PNLIPRP3: variants seen among roughly 807,000 people sequenced by gnomAD.
PNLIPRP3 encodes pancreatic lipase related protein 3.
PNLIPRP3 carries 58 observed loss-of-function variants against 52.8 expected under a neutral mutation model. The ratio of observed to expected loss-of-function variants is 1.10; its 90% confidence interval spans 0.89 to 1.37. The LOEUF (loss-of-function observed/expected upper bound fraction) is 1.37. Ranked by LOEUF, PNLIPRP3 falls within the 40% of genes most tolerant of loss-of-function variation. The pLI is 0.00. For synonymous variants in PNLIPRP3, 192 were observed against 185.0 expected (o/e 1.04, Z -0.31); for missense variants, 593 against 561.6 (o/e 1.06, Z -0.57).
At chr10:116,454,222 G>A (rs567476358) in intron 4 of PNLIPRP3, among the ~76,000 whole-genome samples, 3 of 152,010 alleles carry the variant, frequency 2.0e-5, no homozygotes, top group Admixed American at 6.6e-5. Context: ...GGGTTCAAGT[G>A]ATTCTCCTGC....
At position 116,428,025 on chromosome 10, in the gene PNLIPRP3, T is replaced by C; in HGVS notation, c.13T>C (p.Trp5Arg). 1 of 1,609,578 alleles carries C rather than the reference T, an allele frequency of 6.2e-7. No homozygotes were observed. Among genetic ancestry groups the C allele is most frequent in the African/African-American group, 1.3e-5 (1 of 74,926 alleles). Residue 5 changes from tryptophan to arginine, a missense_variant, in exon 1 of 12, where the codon TGG becomes CGG. Transcript: ENST00000369230. ...AAAATCAGCTTAGATGCTTGGAATT[T>C]GGATTGTTGCATTCTTGTTCTTTGG... MLGIWIVAFLFFGTS... is the reference protein window; with the variant it reads MLGIRIVAFLFFGTS...
intron 4 of PNLIPRP3, among the ~76,000 whole-genome samples, chr10:116,453,986 C>T (rs1420023809): frequency 6.6e-6 from 1 of 152,082 alleles, no homozygotes; most frequent in Non-Finnish European, 1.5e-5. Context: ...TCCCTGTGTC[C>T]ATGTGTTCTC....
chr10:116,448,999 G>C (rs1407111846), intron 4 of PNLIPRP3, among the ~76,000 whole-genome samples: 1 of 133,360 alleles, frequency 7.5e-6, no homozygotes, highest in Non-Finnish European at 1.6e-5. Context: ...CTTGGCAATA[G>C]AGCAAGACTC....
intron 7 of PNLIPRP3, among the ~76,000 whole-genome samples, chr10:116,461,577 T>A (rs1330018813): frequency 6.6e-6 from 1 of 152,216 alleles, no homozygotes; most frequent in Non-Finnish European, 1.5e-5. Flanking sequence ...ATTGAGTGTT[T>A]ACTATGTGCT....
At chr10:116,475,071 G>T (rs540858543) in intron 10 of PNLIPRP3, among the ~76,000 whole-genome samples, 44 of 152,268 alleles carry the variant, frequency 2.9e-4, no homozygotes, top group African/African-American at 1.0e-3. Context: ...AAGAAAATGT[G>T]GTACTTATAT....
intron 2 of PNLIPRP3, among the ~76,000 whole-genome samples, chr10:116,442,137 T>C (rs953382795): frequency 6.6e-6 from 1 of 152,244 alleles, no homozygotes; most frequent in Non-Finnish European, 1.5e-5. Context: ...GTATTCATTT[T>C]TTCCAATAGA....
intron 5 of PNLIPRP3, among the ~76,000 whole-genome samples, chr10:116,459,132 G>A (rs1173285530): frequency 6.6e-6 from 1 of 151,454 alleles, no homozygotes; most frequent in African/African-American, 2.4e-5. Context: ...TTGTTTTTTT[G>A]ACTCCCTCTC....
At chr10:116,447,708 G>A (rs1469136029) in intron 4 of PNLIPRP3, among the ~76,000 whole-genome samples, 2 of 152,168 alleles carry the variant, frequency 1.3e-5, no homozygotes, top group African/African-American at 2.4e-5. Flanking sequence ...GGCCAAGACA[G>A]GCAGATCACT....
intron 4 of PNLIPRP3, among the ~76,000 whole-genome samples, chr10:116,450,876 T>A (rs1260375802): frequency 1.3e-5 from 2 of 151,674 alleles, no homozygotes; most frequent in Non-Finnish European, 2.9e-5. Flanking sequence ...CAAAGCTATC[T>A]ACAGATTCAA....
intron 10 of PNLIPRP3, among the ~76,000 whole-genome samples, chr10:116,473,492 A>T (rs1846406892): frequency 1.3e-5 from 2 of 152,112 alleles, no homozygotes; most frequent in African/African-American, 2.4e-5. Flanking sequence ...AAATAAGACC[A>T]TTATATAAGT....
At chr10:116,439,783 T>A in intron 2 of PNLIPRP3, 1 of 773,406 alleles carries the variant, frequency 1.3e-6, no homozygotes, top group Admixed American at 1.7e-5. Flanking sequence ...GGCATTAGGA[T>A]CCTTCTTCTT....
At chr10:116,443,765 A>G (rs113326866) in intron 3 of PNLIPRP3, among the ~76,000 whole-genome samples, 103,540 of 123,186 alleles carry the variant, frequency 0.84, 44,217 homozygotes, top group Non-Finnish European at 0.94. Flanking sequence ...GTGTGTGTGT[A>G]TGTGTGTGTG....
At chr10:116,443,623 TATATA>T (rs1564695361) in intron 3 of PNLIPRP3, among the ~76,000 whole-genome samples, 2 of 4,264 alleles carry the variant, frequency 4.7e-4, no homozygotes, top group Non-Finnish European at 7.7e-4. Context: ...GTGTTTTATA[TATATA>T]ACACATATAT....
chr10:116,460,262 A>G (rs954343378), intron 5 of PNLIPRP3, among the ~76,000 whole-genome samples: 1 of 152,230 alleles, frequency 6.6e-6, no homozygotes, highest in Non-Finnish European at 1.5e-5. Flanking sequence ...TGCTAAACCT[A>G]GTTCCTGGCA....
At chr10:116,470,330 C>T (rs10736250) in intron 9 of PNLIPRP3, among the ~76,000 whole-genome samples, 147,053 of 152,008 alleles carry the variant, frequency 0.97, 71,322 homozygotes, top group East Asian at 1. Flanking sequence ...GATGACATCA[C>T]TACCCAAGAA....
chr10:116,444,925 T>C (rs1845922038), intron 4 of PNLIPRP3, among the ~76,000 whole-genome samples: 1 of 152,232 alleles, frequency 6.6e-6, no homozygotes, highest in Non-Finnish European at 1.5e-5. Flanking sequence ...ATTAGTTAGG[T>C]CTGTAGGCCA....
chr10:116,444,473 T>G lies in PNLIPRP3; in HGVS notation c.416T>G (p.Val139Gly). 6.2e-7 allele frequency: 1 copy of G among 1,613,786 alleles called. No homozygotes were observed. Among genetic ancestry groups the G allele is most frequent in the Non-Finnish European group, 8.5e-7 (1 of 1,179,748 alleles). ...EYIHAVNNLRVVGAEVAYFID... is the reference protein window; with the variant it reads ...EYIHAVNNLRGVGAEVAYFID... ...ATCCATGCTGTAAACAATCTCCGTG[T>G]TGTTGGTGCTGAGGTGGCTTATTTT... The change falls in exon 4 of 12, where the codon GTT becomes GGT. Residue 139 changes from valine (V) to glycine (G), a missense_variant. Coordinates refer to ENST00000369230, the MANE Select transcript of PNLIPRP3 (RefSeq NM_001011709.3).
chr10:116,456,057 G>C (rs563445505), intron 5 of PNLIPRP3, among the ~76,000 whole-genome samples: 3 of 152,324 alleles, frequency 2.0e-5, no homozygotes, highest in Non-Finnish European at 4.4e-5. Context: ...GAAACTATGT[G>C]TTCCCTCACC....
chr10:116,428,057 A>C lies in PNLIPRP3; in HGVS notation c.45A>C (p.Ser15=). ...TTGCATTCTTGTTCTTTGGCACATCAAGAGGTAAGATTCATAATTTATAAT... is the reference window on the plus strand; with the variant it reads ...TTGCATTCTTGTTCTTTGGCACATCCAGAGGTAAGATTCATAATTTATAAT... ...WIVAFLFFGT[S]RGKEVCYERL... is the part of the protein sequence containing the mutation. Residue 15 remains serine (S), a synonymous_variant, in exon 1 of 12, where the codon TCA becomes TCC. Transcript: ENST00000369230. 1 of 1,602,606 alleles carries C rather than the reference A, an allele frequency of 6.2e-7. No homozygotes were observed. The highest frequency in any genetic ancestry group is 8.5e-7 in the Non-Finnish European group (1 of 1,170,728).
Sources: allele counts gnomAD v4.1 joint callset (sites outside exome capture counted in the v4.1 genomes callset), GRCh38; gene constraint gnomAD v4.1.1; transcripts MANE v1.5; gene names NCBI Gene and HGNC (gene_info 2026-07-23, HGNC 2026-07-21).